PLEKHA7: variants seen among roughly 807,000 people sequenced by gnomAD.
PLEKHA7 encodes pleckstrin homology domain containing A7.
PLEKHA7 carries 104 observed loss-of-function variants against 170.0 expected under a neutral mutation model. The observed-to-expected ratio is 0.61, with a 90% CI of 0.52 to 0.72. The LOEUF (loss-of-function observed/expected upper bound fraction) is 0.72, where lower values mean the gene tolerates loss of function less well. Ranked by LOEUF, PLEKHA7 falls within the 30% of genes least tolerant of loss-of-function variation. The pLI, the probability that PLEKHA7 is intolerant of heterozygous loss-of-function variation, is 0.00. For missense variants in PLEKHA7, 1,615 were observed against 1,671.7 expected (o/e 0.97, Z 0.59); for synonymous variants, 648 against 660.8 (o/e 0.98, Z 0.30).
chr11:16,974,898 C>T, intron 3 of PLEKHA7: 1 of 794,758 alleles, frequency 1.3e-6, no homozygotes, highest in Non-Finnish European at 1.6e-6. Context: ...GTCATAACGC[C>T]GCTTTCCCTG....
chr11:16,972,872 C>A (rs1211673313), intron 3 of PLEKHA7, among the ~76,000 whole-genome samples: 8 of 152,202 alleles, frequency 5.3e-5, no homozygotes, highest in Non-Finnish European at 8.8e-5. Flanking sequence ...CGGCCAGTAA[C>A]CATACACCTT....
chr11:16,990,804 T>C (rs1009846813), intron 3 of PLEKHA7, among the ~76,000 whole-genome samples: 1 of 152,176 alleles, frequency 6.6e-6, no homozygotes, highest in Non-Finnish European at 1.5e-5. Flanking sequence ...TCCCAGAGCA[T>C]TGAGTGAATC....
intron 17 of PLEKHA7, 123 bp from the exon 18 acceptor site, chr11:16,795,141 A>G (rs1474849637): frequency 5.7e-6 from 4 of 707,770 alleles, no homozygotes; most frequent in Non-Finnish European, 1.0e-5. Context: ...TGGAAACCCC[A>G]CTAGTGCTAG....
intron 17 of PLEKHA7, among the ~76,000 whole-genome samples, chr11:16,800,405 G>A (rs913529083): frequency 6.6e-6 from 1 of 152,182 alleles, no homozygotes; most frequent in African/African-American, 2.4e-5. Flanking sequence ...GGGTGAAGTG[G>A]CAGGGCTCTA....
intron 3 of PLEKHA7, among the ~76,000 whole-genome samples, chr11:16,929,107 T>TA (rs1290307448): frequency 6.6e-6 from 1 of 152,080 alleles, no homozygotes; most frequent in Non-Finnish European, 1.5e-5. Flanking sequence ...CTCCAAAAGA[T>TA]AAACTAAAAA....
In PLEKHA7 at chr11:16,786,347, C is replaced by T. The variant is rs1433789180; in HGVS notation, c.3398G>A (p.Arg1133Gln). ...EQDFDLQLLE[R>Q]VVQGEKKDKE... ...GTCCTTTTTTTCCCCTTGCACGACC[C>T]GTTCCAGCAACTGCAGGTCAAAGTC... Residue 1133 changes from arginine (R) to glutamine (Q), a missense_variant, in exon 24 of 27, where the codon CGG becomes CAG. Physicochemically the swap from Arg to Gln is conservative, Grantham distance 43. Transcript: ENST00000531066. 1.1e-5 allele frequency: 17 copies of T among 1,536,160 alleles called. No individual in the cohort carries two copies. Among genetic ancestry groups the T allele is most frequent in the African/African-American group, 4.1e-5 (3 of 73,152 alleles).
At chr11:16,959,472 GA>G (rs1861911857) in intron 3 of PLEKHA7, among the ~76,000 whole-genome samples, 1 of 152,218 alleles carries the variant, frequency 6.6e-6, no homozygotes, top group Non-Finnish European at 1.5e-5. Flanking sequence ...ACAGAGCCAA[GA>G]AATGTGCCTA....
At chr11:16,951,535 A>G (rs1157625896) in intron 3 of PLEKHA7, among the ~76,000 whole-genome samples, 2 of 152,094 alleles carry the variant, frequency 1.3e-5, no homozygotes, top group Non-Finnish European at 2.9e-5. Context: ...AGGCCCAGAG[A>G]TGATAAGTAA....
intron 3 of PLEKHA7, among the ~76,000 whole-genome samples, chr11:16,978,275 C>T (rs1863194209): frequency 6.6e-6 from 1 of 152,204 alleles, no homozygotes; most frequent in Non-Finnish European, 1.5e-5. Flanking sequence ...TCACGTCCCT[C>T]AATTAAATTC....
intron 9 of PLEKHA7, among the ~76,000 whole-genome samples, chr11:16,835,981 C>T (rs1851483124): frequency 6.6e-6 from 1 of 152,206 alleles, no homozygotes; most frequent in Admixed American, 6.5e-5. Flanking sequence ...GGATAGGGCT[C>T]CACCCCTGGT....
intron 3 of PLEKHA7, among the ~76,000 whole-genome samples, chr11:17,011,930 G>A (rs1865343705): frequency 6.8e-6 from 1 of 147,036 alleles, no homozygotes; most frequent in African/African-American, 2.5e-5. Flanking sequence ...AAGCCCTGAG[G>A]AGTCATCTTT....
intron 3 of PLEKHA7, among the ~76,000 whole-genome samples, chr11:16,996,430 C>T (rs79661067): frequency 5.4e-4 from 83 of 152,302 alleles, no homozygotes; most frequent in African/African-American, 1.9e-3. Context: ...AGCAGGCAGG[C>T]AGGACTTCTC....
intron 3 of PLEKHA7, among the ~76,000 whole-genome samples, chr11:17,002,746 G>C (rs1210499288): frequency 1.3e-5 from 2 of 152,160 alleles, no homozygotes; most frequent in African/African-American, 2.4e-5. Flanking sequence ...CGATAACCAG[G>C]TGGCTGCACA....
intron 4 of PLEKHA7, among the ~76,000 whole-genome samples, chr11:16,867,091 G>A (rs566928709): frequency 6.6e-6 from 1 of 152,250 alleles, no homozygotes; most frequent in Admixed American, 6.5e-5. Context: ...CTTGGGGGTG[G>A]GGGGTGAAGT....
intron 3 of PLEKHA7, among the ~76,000 whole-genome samples, chr11:17,007,139 T>C (rs1206069472): frequency 1.3e-5 from 2 of 152,214 alleles, no homozygotes; most frequent in Non-Finnish European, 2.9e-5. Flanking sequence ...GGGGCATGGA[T>C]ACAGGTGCTT....
intron 3 of PLEKHA7, among the ~76,000 whole-genome samples, chr11:16,982,095 G>A (rs1467975641): frequency 6.6e-6 from 1 of 152,210 alleles, no homozygotes; most frequent in African/African-American, 2.4e-5. Flanking sequence ...TGGCCAGGCT[G>A]GGGGGAACAA....
At chr11:16,963,565 G>A (rs183063283) in intron 3 of PLEKHA7, among the ~76,000 whole-genome samples, 16 of 152,242 alleles carry the variant, frequency 1.1e-4, no homozygotes, top group Non-Finnish European at 5.9e-5. Context: ...TGGAGCTGTC[G>A]TCAGCTGACT....
At chr11:16,812,980 T>G in intron 13 of PLEKHA7, 133 bp downstream of exon 13, 1 of 659,530 alleles carries the variant, frequency 1.5e-6, no homozygotes. Flanking sequence ...TGATTCAAGA[T>G]GGGAGACATA....
At chr11:16,862,838 C>T (rs1334902854) in intron 4 of PLEKHA7, among the ~76,000 whole-genome samples, 1 of 152,206 alleles carries the variant, frequency 6.6e-6, no homozygotes, top group Non-Finnish European at 1.5e-5. Flanking sequence ...GTTTCTGCAT[C>T]TGCTTGCCAG....
Sources: gnomAD v4.1 joint callset for allele counts (sites outside exome capture counted in the v4.1 genomes callset) on GRCh38, gnomAD v4.1.1 for gene constraint, MANE v1.5 for transcripts, NCBI Gene and HGNC (gene_info 2026-07-23, HGNC 2026-07-21) for gene names.